Variants in ABCA13 observed in about 807,000 individuals in gnomAD.
The protein encoded by ABCA13 is ATP-binding cassette sub-family A member 13.
In ABCA13, 476 loss-of-function variants were observed where a neutral mutation model predicts 478.7. The observed-to-expected ratio is 0.99, with a 90% CI of 0.92 to 1.07. The LOEUF (loss-of-function observed/expected upper bound fraction) is 1.07, where lower values mean the gene tolerates loss of function less well. ABCA13 is among the 50% of genes least tolerant of loss of function. The pLI is 0.00. For missense variants in ABCA13, 6,060 were observed against 5,910.6 expected (o/e 1.03, Z -0.83); for synonymous variants, 2,252 against 2,158.9 (o/e 1.04, Z -1.20).
At chr7:48,261,586 G>A (rs900989642) in intron 15 of ABCA13, among the ~76,000 whole-genome samples, 3 of 151,298 alleles carry the variant, frequency 2.0e-5, no homozygotes, top group Non-Finnish European at 4.4e-5. Flanking sequence ...TTCTCCATTT[G>A]ATTTAAAATA....
intron 3 of ABCA13, among the ~76,000 whole-genome samples, chr7:48,203,059 G>T (rs943863906): frequency 6.7e-6 from 1 of 148,164 alleles, no homozygotes. Context: ...CCTGCCCCAC[G>T]GGAAGGCAGC....
chr7:48,195,503 G>A (rs1797803402), intron 2 of ABCA13, among the ~76,000 whole-genome samples: 1 of 152,162 alleles, frequency 6.6e-6, no homozygotes. Context: ...CATGAGGACA[G>A]GGAGGCCTTT....
chr7:48,513,126 C>G (rs552752212), intron 51 of ABCA13, among the ~76,000 whole-genome samples: 4 of 152,302 alleles, frequency 2.6e-5, no homozygotes, highest in Admixed American at 2.0e-4. Context: ...CTGGCAATCT[C>G]TGGGTGAGGA....
At chr7:48,402,945 G>A (rs971705599) in intron 38 of ABCA13, among the ~76,000 whole-genome samples, 1 of 152,208 alleles carries the variant, frequency 6.6e-6, no homozygotes, top group Non-Finnish European at 1.5e-5. Context: ...GAGTAAGATG[G>A]TAAATAGGTG....
intron 59 of ABCA13, chr7:48,626,713 C>T (rs781224382): frequency 1.0e-6 from 1 of 985,424 alleles, no homozygotes; most frequent in Non-Finnish European, 1.2e-6. Flanking sequence ...GCCGGCTGAT[C>T]TGAGCTTGAG....
rs919833346 is a variant in ABCA13, at chr7:48,278,864, C to T, written c.7670C>T (p.Thr2557Ile). The change falls in exon 18 of 62, where the codon ACT (threonine) becomes ATT (isoleucine). Residue 2557 changes from threonine (T) to isoleucine (I), a missense_variant. Coordinates refer to ENST00000435803, the MANE Select transcript of ABCA13 (RefSeq NM_152701.5). ...AAGGACAGTGTGAAATTCTTTGACA[C>T]TCTGTATTCCATCATGCAACAAAGT... The part of the protein sequence containing the change: ...NTKDSVKFFD[T>I]LYSIMQQSVQ... 1.2e-5 allele frequency: 20 copies of T among 1,613,348 alleles called. No individual in the cohort carries two copies. The Admixed American group carries it at 1.5e-4, about 12-fold the overall frequency.
rs769275074 is a variant in ABCA13, at chr7:48,229,955, G to C, written c.763G>C (p.Glu255Gln). 6.2e-7 allele frequency: 1 copy of C among 1,613,122 alleles called. No homozygotes were observed. Among genetic ancestry groups the C allele is most frequent in the Non-Finnish European group, 8.5e-7 (1 of 1,179,442 alleles). ...GCAGCAACATGGAGTAGCAGTCACC[G>C]GTATGGGTGCCTTGTAGCTATTGCT... ...FLQQHGVAVT[E>Q]PVYHLSMQNI... Residue 255 changes from glutamate (E) to glutamine (Q), a missense_variant and splice_region_variant, in exon 7 of 62, where the codon GAG (glutamate) becomes CAG (glutamine). This residue lies in a region of ABCA13 where 4,423 missense variants were observed against 4,309.1 expected (regional missense o/e 1.03). Coordinates refer to ENST00000435803, the MANE Select transcript of ABCA13 (RefSeq NM_152701.5).
At chr7:48,420,908 A>G (rs998594732) in intron 41 of ABCA13, among the ~76,000 whole-genome samples, 16 of 152,176 alleles carry the variant, frequency 1.1e-4, no homozygotes, top group African/African-American at 3.6e-4. Flanking sequence ...TCAATCTGCA[A>G]GAATTCCTCA....
rs80311353 is a variant in ABCA13 at position 48,351,552 on chromosome 7, T to C, written c.10382-629T>C. Among the ~76,000 whole-genome samples, 617 of 152,266 alleles carry C rather than the reference T, an allele frequency of 4.1e-3. 5 individuals are homozygous for C. Among genetic ancestry groups the C allele is most frequent in the African/African-American group, 0.014 (570 of 41,546 alleles). ...CTGGGTTTCTGCACCTCATCTTCCC[T>C]CTATGTATTTCTCTGTGTTTAAGTT... On this transcript the variant is annotated intron_variant, in intron 30 of 61. Transcript: ENST00000435803.
intron 55 of ABCA13, among the ~76,000 whole-genome samples, chr7:48,552,653 T>G (rs1277701102): frequency 3.3e-5 from 5 of 151,108 alleles, no homozygotes; most frequent in Admixed American, 6.6e-5. Flanking sequence ...ATTTACGGGG[T>G]ACAAAGTAAT....
rs770001230 is a variant in ABCA13 at position 48,481,005 on chromosome 7, T to G, written c.12976-31T>G. 2.2e-5 allele frequency: 31 copies of G among 1,440,180 alleles called. No homozygotes were observed. In the African/African-American group the frequency reaches 4.1e-4, roughly 19 times the overall value. 89.2% of individuals were successfully genotyped at this position (1,440,180 alleles called of 1,614,324 possible). On this transcript the variant is annotated intron_variant, in intron 45 of 61. Coordinates refer to ENST00000435803, the MANE Select transcript of ABCA13 (RefSeq NM_152701.5). Reference sequence around the variant, plus strand: ...AACCAGTTTGTGAATTATAAAAAAGTTTGTTTTTATCTTTTTGAAAACAAT... The same window carrying G: ...AACCAGTTTGTGAATTATAAAAAAGGTTGTTTTTATCTTTTTGAAAACAAT...
chr7:48,194,808 T>A (rs796891766), intron 2 of ABCA13, among the ~76,000 whole-genome samples: 2 of 152,090 alleles, frequency 1.3e-5, no homozygotes, highest in African/African-American at 4.8e-5. Flanking sequence ...CCCATGTGAG[T>A]AAAATATCAT....
chr7:48,548,520 G>A (rs1785017630), intron 55 of ABCA13, among the ~76,000 whole-genome samples: 1 of 150,524 alleles, frequency 6.6e-6, no homozygotes, highest in South Asian at 2.1e-4. Context: ...TGGGAGTGAA[G>A]GATGATAAAA....
chr7:48,386,069 G>C (rs1347804190), intron 35 of ABCA13, among the ~76,000 whole-genome samples: 6 of 152,098 alleles, frequency 3.9e-5, no homozygotes, highest in Admixed American at 2.0e-4. Context: ...TTTGTCAGAT[G>C]CATAGTTAAG....
chr7:48,357,300 A>G (rs1204747786), intron 31 of ABCA13, among the ~76,000 whole-genome samples: 2 of 151,890 alleles, frequency 1.3e-5, no homozygotes, highest in African/African-American at 4.9e-5. Flanking sequence ...CATTTAGTCA[A>G]TAGTCATTGT....
At chr7:48,286,553 G>A (rs1797782832) in intron 19 of ABCA13, among the ~76,000 whole-genome samples, 1 of 151,848 alleles carries the variant, frequency 6.6e-6, no homozygotes, top group Non-Finnish European at 1.5e-5. Flanking sequence ...CGCCCAGGCT[G>A]GAGTGCAGTG....
intron 59 of ABCA13, among the ~76,000 whole-genome samples, chr7:48,635,882 A>G (rs1227701690): frequency 1.3e-5 from 2 of 152,210 alleles, no homozygotes; most frequent in Non-Finnish European, 2.9e-5. Flanking sequence ...GAAAAATAGC[A>G]TTTTGGAGAC....
Position 48,645,582 on chromosome 7 carries a change from A to AG in ABCA13, c.*71dup. On this transcript the variant is annotated 3_prime_UTR_variant, in exon 62 of 62. Coordinates refer to ENST00000435803, the MANE Select transcript of ABCA13 (RefSeq NM_152701.5). ...ACAATTAACAGTCAAGGATAAAACAAGCACGCGCACAATCAAGGAGCTGGA... is the reference window on the plus strand; with the variant it reads ...ACAATTAACAGTCAAGGATAAAACAAGGCACGCGCACAATCAAGGAGCTGGA... The AG allele has an allele frequency of 7.9e-7, 1 of 1,269,304 alleles. No homozygotes were observed. The highest frequency in any genetic ancestry group is 1.3e-5 in the South Asian group (1 of 74,890). 78.6% of individuals were successfully genotyped at this position (1,269,304 alleles called of 1,614,324 possible). A position where few individuals can be genotyped will look rare whatever the true frequency, so the allele number is the denominator to read the frequency against.
intron 53 of ABCA13, among the ~76,000 whole-genome samples, chr7:48,524,035 A>G (rs1416089279): frequency 1.3e-5 from 2 of 152,176 alleles, no homozygotes; most frequent in African/African-American, 2.4e-5. Context: ...ATCTTTTAGG[A>G]ATGTATATAT....
Sources: allele counts gnomAD v4.1 joint callset (sites outside exome capture counted in the v4.1 genomes callset), GRCh38; gene constraint gnomAD v4.1.1; regional missense constraint gnomAD v4.1.1; transcripts MANE v1.5; gene names NCBI Gene and HGNC (gene_info 2026-07-23, HGNC 2026-07-21).